IQGAP2: variants seen among roughly 807,000 people sequenced by gnomAD.
IQGAP2 encodes IQ motif containing GTPase activating protein 2.
IQGAP2 carries 173 observed loss-of-function variants against 201.3 expected under a neutral mutation model. The observed-to-expected ratio is 0.86, with a 90% CI of 0.76 to 0.98. The LOEUF is 0.98. IQGAP2 is among the 50% of genes least tolerant of loss of function. IQGAP2 has a pLI of 0.00. For missense variants in IQGAP2, 1,687 were observed against 1,864.8 expected, an observed-to-expected ratio of 0.90 and a Z score of 1.76; for synonymous variants, 675 against 673.9, an observed-to-expected ratio of 1.00 and a Z score of -0.03.
In IQGAP2 at chr5:76,654,251, CTACAGTA is replaced by C. The variant is rs752717184; in HGVS notation, c.2232_2238del (p.Gln745SerfsTer9). 1.2e-6 allele frequency: 2 copies of C among 1,609,070 alleles called. No individual in the cohort carries two copies. The highest frequency in any genetic ancestry group is 2.2e-5 in the South Asian group (2 of 90,616). ...TGCAAGAAAGAGCTATCTTTCAAGA[CTACAGTA>C]TTTCAGAGATCATGTAAGAAAAATG... is the stretch of plus-strand genomic sequence containing the variant. On this transcript the variant is annotated frameshift_variant, in exon 19 of 36. Coordinates refer to ENST00000274364, the MANE Select transcript of IQGAP2 (RefSeq NM_006633.5). LOFTEE classifies it high-confidence loss of function.
intron 1 of IQGAP2, among the ~76,000 whole-genome samples, chr5:76,421,627 T>A (rs1334589679): frequency 6.7e-6 from 1 of 149,960 alleles, no homozygotes; most frequent in Non-Finnish European, 1.5e-5. Flanking sequence ...ATAAAAAAAA[T>A]AGGTGTGGCA....
chr5:76,451,519 A>G (rs534403775), intron 1 of IQGAP2, among the ~76,000 whole-genome samples: 38 of 152,288 alleles, frequency 2.5e-4, no homozygotes, highest in African/African-American at 8.9e-4. Flanking sequence ...TCATGGCATT[A>G]GTCATCTTCT....
At chr5:76,551,488 G>T (rs1743514430) in intron 2 of IQGAP2, among the ~76,000 whole-genome samples, 1 of 151,742 alleles carries the variant, frequency 6.6e-6, no homozygotes, top group South Asian at 2.1e-4. Context: ...CGGCACTTTG[G>T]GAGGCCAAGG....
At chr5:76,498,572 A>G (rs1374919366) in intron 2 of IQGAP2, among the ~76,000 whole-genome samples, 3 of 152,188 alleles carry the variant, frequency 2.0e-5, no homozygotes, top group African/African-American at 4.8e-5. Context: ...CTGAACTTCA[A>G]AGCCTCAGTT....
At chr5:76,664,265 A>G (rs892594611) in intron 21 of IQGAP2, among the ~76,000 whole-genome samples, 1 of 152,216 alleles carries the variant, frequency 6.6e-6, no homozygotes, top group East Asian at 1.9e-4. Flanking sequence ...GTCTCAGGAA[A>G]TAGGGGGCCC....
At chr5:76,532,818 C>T (rs879509318) in intron 2 of IQGAP2, among the ~76,000 whole-genome samples, 19 of 152,348 alleles carry the variant, frequency 1.2e-4, no homozygotes, top group Non-Finnish European at 2.5e-4. Flanking sequence ...GAGAGGATGG[C>T]CCAGACCCAC....
chr5:76,499,194 T>C (rs144370691), intron 2 of IQGAP2, among the ~76,000 whole-genome samples: 6 of 152,162 alleles, frequency 3.9e-5, no homozygotes, highest in African/African-American at 1.4e-4. Context: ...TCCCCTAACC[T>C]ACTCTCAAAA....
chr5:76,618,724 G>T, intron 13 of IQGAP2: 1 of 1,205,830 alleles, frequency 8.3e-7, no homozygotes, highest in Non-Finnish European at 1.2e-6. Flanking sequence ...AATAATTTCT[G>T]TGATTGTAGA....
At chr5:76,437,645 T>C (rs1338982509) in intron 1 of IQGAP2, among the ~76,000 whole-genome samples, 2 of 152,182 alleles carry the variant, frequency 1.3e-5, no homozygotes, top group Non-Finnish European at 2.9e-5. Context: ...TTTGTTCCTG[T>C]GTTAGTTTGC....
chr5:76,481,775 C>T (rs929631529), intron 2 of IQGAP2, among the ~76,000 whole-genome samples: 4 of 152,234 alleles, frequency 2.6e-5, no homozygotes, highest in African/African-American at 9.6e-5. Flanking sequence ...TTACAGGACA[C>T]TGCAGCTCAG....
At chr5:76,560,120 G>A (rs1395802607) in intron 2 of IQGAP2, among the ~76,000 whole-genome samples, 2 of 152,080 alleles carry the variant, frequency 1.3e-5, no homozygotes, top group Non-Finnish European at 2.9e-5. Context: ...TTAGAAGTTT[G>A]TTGATGTTTT....
At chr5:76,508,730 G>A (rs1757764915) in intron 2 of IQGAP2, among the ~76,000 whole-genome samples, 1 of 151,350 alleles carries the variant, frequency 6.6e-6, no homozygotes, top group South Asian at 2.1e-4. Context: ...CACGTGAGAG[G>A]CATACAAATT....
intron 2 of IQGAP2, among the ~76,000 whole-genome samples, chr5:76,526,400 C>T (rs1758976772): frequency 6.6e-6 from 1 of 152,160 alleles, no homozygotes; most frequent in South Asian, 2.1e-4. Flanking sequence ...CAGAAAACTC[C>T]TTTACCTTTA....
At chr5:76,585,946 A>G (rs964554648) in intron 5 of IQGAP2, among the ~76,000 whole-genome samples, 2 of 152,228 alleles carry the variant, frequency 1.3e-5, no homozygotes, top group Non-Finnish European at 2.9e-5. Flanking sequence ...GAAGAGGTTG[A>G]CATTTCATTG....
chr5:76,677,126 C>A, intron 27 of IQGAP2, 92 bp from the exon 28 acceptor site: 1 of 1,256,786 alleles, frequency 8.0e-7, no homozygotes, highest in Non-Finnish European at 1.1e-6. Flanking sequence ...GAACAAAGTA[C>A]ATGTCATCAT....
chr5:76,601,005 C>A, intron 11 of IQGAP2, 33 bp downstream of exon 11: 1 of 1,595,310 alleles, frequency 6.3e-7, no homozygotes, highest in Non-Finnish European at 8.6e-7. Context: ...TCTTTCAATG[C>A]AGAAATGCAT....
chr5:76,599,559 T>C (rs1020753588), intron 10 of IQGAP2, among the ~76,000 whole-genome samples: 4 of 152,176 alleles, frequency 2.6e-5, no homozygotes, highest in African/African-American at 9.6e-5. Flanking sequence ...TTTGATACTT[T>C]GTATGTTAAA....
At chr5:76,626,343 G>T (rs1750237707) in intron 13 of IQGAP2, among the ~76,000 whole-genome samples, 1 of 125,414 alleles carries the variant, frequency 8.0e-6, no homozygotes, top group South Asian at 2.6e-4. Flanking sequence ...CCTGACCTTG[G>T]CTTACTGCAA....
intron 13 of IQGAP2, among the ~76,000 whole-genome samples, chr5:76,622,814 A>G (rs1749834321): frequency 6.6e-6 from 1 of 152,206 alleles, no homozygotes; most frequent in African/African-American, 2.4e-5. Flanking sequence ...AACACAGGAT[A>G]TATATTTTAA....
Sources: gnomAD v4.1 joint callset for allele counts (sites outside exome capture counted in the v4.1 genomes callset) on GRCh38, gnomAD v4.1.1 for gene constraint, MANE v1.5 for transcripts, NCBI Gene and HGNC (gene_info 2026-07-23, HGNC 2026-07-21) for gene names.